Variants in KRT72 observed in about 807,000 individuals in gnomAD.
The protein encoded by KRT72 is keratin, type II cytoskeletal 72.
In KRT72, 44 loss-of-function variants were observed where a neutral mutation model predicts 44.7. The ratio of observed to expected loss-of-function variants is 0.98; its 90% CI spans 0.77 to 1.27. The LOEUF is 1.27. Ranked by LOEUF, KRT72 falls within the 50% of genes most tolerant of loss-of-function variation. KRT72 has a pLI of 0.00. For synonymous variants in KRT72, 302 were observed against 280.4 expected (o/e 1.08, Z -0.77); for missense variants, 736 against 667.1 (o/e 1.10, Z -1.14).
chr12:52,591,313 C>T (rs569381084), intron 5 of KRT72, 151 bp downstream of exon 5: 12 of 821,426 alleles, frequency 1.5e-5, no homozygotes, highest in African/African-American at 3.4e-5. Context: ...GTGGCATTTC[C>T]GCAAGGCCCA....
chr12:52,586,036 A>G lies in KRT72; in HGVS notation c.1482T>C (p.Asp494=). ...TKGSCGSELK[D]PLAKTSGSSC... ...TGCTCCCCGAGGTTTTGGCAAGGGG[A>G]TCCTTGAGCTCACTGCCACAGCTGC... is the stretch of plus-strand genomic sequence containing the variant. Residue 494 remains aspartate (D), a synonymous_variant, in exon 9 of 9, where the codon GAT becomes GAC. Transcript: ENST00000293745. 1 of 1,614,008 alleles carries G rather than the reference A, an allele frequency of 6.2e-7. No individual in the cohort carries two copies.
chr12:52,588,456 C>T (rs2120724036), intron 6 of KRT72, among the ~76,000 whole-genome samples: 1 of 152,266 alleles, frequency 6.6e-6, no homozygotes, highest in South Asian at 2.1e-4. Context: ...ACAATGAGAA[C>T]ACATGGACAC....
intron 2 of KRT72, 60 bp from the exon 3 acceptor site, chr12:52,593,012 G>T: frequency 1.3e-6 from 2 of 1,511,044 alleles, no homozygotes; most frequent in South Asian, 2.4e-5. Context: ...AACAGTTAGT[G>T]ACCACCTCTG....
At chr12:52,592,642 C>A (rs1940087317) in intron 3 of KRT72, 151 bp from the exon 4 acceptor site, 5 of 660,040 alleles carry the variant, frequency 7.6e-6, no homozygotes. Flanking sequence ...TGAGAGTAAA[C>A]CAACTAACGT....
At position 52,587,711 on chromosome 12, in the gene KRT72, G is replaced by T. The variant is rs1376176724; in HGVS notation, c.1230C>A (p.Tyr410Ter). 1 of 1,614,060 alleles carries T rather than the reference G, an allele frequency of 6.2e-7. No homozygotes were observed. The highest frequency in any genetic ancestry group is 1.3e-5 in the African/African-American group (1 of 74,942). ...CCAGCTTCAGGCTCACGAGCTCCTGGTACTCACGCAGCATCCGTGCCAGCT... is the reference window on the plus strand; with the variant it reads ...CCAGCTTCAGGCTCACGAGCTCCTGTTACTCACGCAGCATCCGTGCCAGCT... Reference protein sequence around the residue: ...KEELARMLREYQELVSLKLAL... With the variant: ...KEELARMLRE Residue 410 changes from tyrosine (Y) to a stop codon, truncating the protein, a stop_gained, in exon 7 of 9, where the codon TAC becomes TAA. Transcript: ENST00000293745. LOFTEE classifies it high-confidence loss of function.
intron 2 of KRT72, among the ~76,000 whole-genome samples, chr12:52,593,547 T>C (rs997129397): frequency 6.6e-6 from 1 of 152,228 alleles, no homozygotes; most frequent in Non-Finnish European, 1.5e-5. Context: ...CTTCCATCCC[T>C]TATTATTCTC....
upstream of KRT72, chr12:52,601,594 C>T: frequency 1.3e-6 from 1 of 779,466 alleles, no homozygotes; most frequent in South Asian, 1.8e-5. Context: ...TTTTAGATCC[C>T]TTGAGGCCTC....
Position 52,601,198 on chromosome 12 carries a change from C to T in KRT72, c.255G>A (p.Gly85=), listed in dbSNP as rs1940433491. ...VGTAFGSAGL[G]PKCPSVCPPG... is the part of the protein sequence containing the mutation. ...GTGGGCACACGGAGGGACACTTGGGCCCCAGCCCGGCGCTGCCGAAGGCGG... is the reference window on the plus strand; with the variant it reads ...GTGGGCACACGGAGGGACACTTGGGTCCCAGCCCGGCGCTGCCGAAGGCGG... The change falls in exon 1 of 9, where the codon GGG becomes GGA. Residue 85 remains glycine (G), a synonymous_variant. Coordinates refer to ENST00000293745, the MANE Select transcript of KRT72 (RefSeq NM_080747.3). 1.2e-6 allele frequency: 2 copies of T among 1,611,774 alleles called. No individual in the cohort carries two copies. The highest frequency in any genetic ancestry group is 2.2e-5 in the East Asian group (1 of 44,786).
In KRT72 at chr12:52,601,238, C is replaced by T; in HGVS notation, c.215G>A (p.Gly72Asp). ...AAARRGGGRLGGFVGTAFGSA... is the reference protein window; with the variant it reads ...AAARRGGGRLDGFVGTAFGSA... ...GCCGAAGGCGGTGCCCACGAAGCCG[C>T]CCAGGCGGCCGCCGCCCCGCCGTGC... The change falls in exon 1 of 9, where the codon GGC becomes GAC. Residue 72 changes from glycine (G) to aspartate (D), a missense_variant. Gly to Asp is a moderately conservative substitution (Grantham distance 94, BLOSUM62 -1). Coordinates refer to ENST00000293745, the MANE Select transcript of KRT72 (RefSeq NM_080747.3). 1 of 1,582,674 alleles carries T rather than the reference C, an allele frequency of 6.3e-7. No homozygotes were observed. Among genetic ancestry groups the T allele is most frequent in the Non-Finnish European group, 8.6e-7 (1 of 1,164,586 alleles).
intron 2 of KRT72, among the ~76,000 whole-genome samples, chr12:52,594,390 A>C (rs182529854): frequency 7.9e-5 from 12 of 152,030 alleles, no homozygotes; most frequent in Non-Finnish European, 1.6e-4. Flanking sequence ...CTGGATTAAG[A>C]AAATGCGGCA....
chr12:52,596,419 T>A (rs1281203153), intron 2 of KRT72, among the ~76,000 whole-genome samples: 1 of 152,166 alleles, frequency 6.6e-6, no homozygotes, highest in Non-Finnish European at 1.5e-5. Flanking sequence ...TATTTTCAAT[T>A]TTTTTTCATT....
rs540336020 is a variant in KRT72 at position 52,590,571 on chromosome 12, G to T, written c.1089+265C>A. ...ATTGCTCCTGCGGGCTCCTTCACCTGCTCCTTCCCCTCTCCTGGTGTAATC... is the reference window on the plus strand; with the variant it reads ...ATTGCTCCTGCGGGCTCCTTCACCTTCTCCTTCCCCTCTCCTGGTGTAATC... On this transcript the variant is annotated intron_variant, in intron 6 of 8. Coordinates refer to ENST00000293745, the MANE Select transcript of KRT72 (RefSeq NM_080747.3). 3.9e-5 allele frequency among the ~76,000 whole-genome samples: 6 copies of T among 152,210 alleles called. 1 individual carries two copies. The highest frequency in any genetic ancestry group is 1.4e-4 in the African/African-American group (6 of 41,534).
In KRT72 at chr12:52,601,133, A is replaced by T; in HGVS notation, c.320T>A (p.Leu107Gln). 1 of 1,613,694 alleles carries T rather than the reference A, an allele frequency of 6.2e-7. No homozygotes were observed. The highest frequency in any genetic ancestry group is 1.7e-5 in the Admixed American group (1 of 59,958). The part of the protein sequence containing the change: ...IPQVTVNKSL[L>Q]APLNVEMDPE... ...GTCCATCTCCACGTTGAGCGGGGCC[A>T]GGAGGCTCTTGTTGACGGTGACCTG... Residue 107 changes from leucine to glutamine, a missense_variant, in exon 1 of 9, where the codon CTG (leucine) becomes CAG (glutamine). Leu to Gln is a moderately radical substitution (Grantham distance 113). Coordinates refer to ENST00000293745, the MANE Select transcript of KRT72 (RefSeq NM_080747.3).
intron 1 of KRT72, among the ~76,000 whole-genome samples, chr12:52,599,648 T>C (rs1419556134): frequency 2.0e-5 from 3 of 152,170 alleles, no homozygotes; most frequent in Non-Finnish European, 4.4e-5. Flanking sequence ...GCATTCCTCT[T>C]CTCACCTATC....
At chr12:52,592,357 A>G in intron 4 of KRT72, 39 bp downstream of exon 4, 1 of 1,406,248 alleles carries the variant, frequency 7.1e-7, no homozygotes, top group Admixed American at 1.7e-5. Context: ...CTCTTGTTAA[A>G]GGAGCAGATC....
intron 2 of KRT72, among the ~76,000 whole-genome samples, chr12:52,596,123 A>G (rs1271145601): frequency 6.6e-6 from 1 of 152,228 alleles, no homozygotes; most frequent in East Asian, 1.9e-4. Context: ...AACAAACACA[A>G]CAAATAAGTT....
intron 2 of KRT72, among the ~76,000 whole-genome samples, chr12:52,595,424 AGT>A (rs752789792): frequency 9.9e-5 from 15 of 152,270 alleles, no homozygotes; most frequent in Non-Finnish European, 1.8e-4. Context: ...CATATTTCTT[AGT>A]TTATTCTGAG....
chr12:52,594,614 G>A (rs565886861), intron 2 of KRT72, among the ~76,000 whole-genome samples: 2 of 149,530 alleles, frequency 1.3e-5, no homozygotes, highest in African/African-American at 4.9e-5. Context: ...GTTGTGGGGT[G>A]GGGGGAGGGA....
Position 52,586,978 on chromosome 12 carries a change from A to G in KRT72, c.1313T>C (p.Met438Thr). ...RKLLESEECR[M>T]SGEYPNSVSI... is the part of the protein sequence containing the mutation. Reference sequence around the variant, plus strand: ...CACAGAATTTGGATATTCGCCAGACATCCTGAAGAAGGAGAAGAAAAACAG... The same window carrying G: ...CACAGAATTTGGATATTCGCCAGACGTCCTGAAGAAGGAGAAGAAAAACAG... Residue 438 changes from methionine to threonine, a missense_variant and splice_region_variant, in exon 8 of 9, where the codon ATG (methionine) becomes ACG (threonine). Physicochemically the swap from Met to Thr is moderately conservative, Grantham distance 81. Transcript: ENST00000293745. 6.2e-7 allele frequency: 1 copy of G among 1,613,982 alleles called. No homozygotes were observed. The highest frequency in any genetic ancestry group is 8.5e-7 in the Non-Finnish European group (1 of 1,179,824).
Sources: gnomAD v4.1 joint callset for allele counts (sites outside exome capture counted in the v4.1 genomes callset) on GRCh38, gnomAD v4.1.1 for gene constraint, MANE v1.5 for transcripts, NCBI Gene and HGNC (gene_info 2026-07-23, HGNC 2026-07-21) for gene names.